Variants in SLC17A3 observed in about 807,000 individuals in gnomAD.
SLC17A3 encodes sodium-dependent phosphate transport protein 4.
A neutral mutation model predicts 60.3 loss-of-function variants in SLC17A3; 61 were observed. The observed-to-expected ratio is 1.01, with a 90% confidence interval of 0.82 to 1.25. The LOEUF is 1.25. SLC17A3 is among the 50% of genes most tolerant of loss of function. The pLI is 0.00. For synonymous variants in SLC17A3, 192 were observed against 208.9 expected, an observed-to-expected ratio of 0.92 and a Z score of 0.70; for missense variants, 624 against 594.9, an observed-to-expected ratio of 1.05 and a Z score of -0.51.
Position 25,850,547 on chromosome 6 carries a change from CCT to C in SLC17A3, c.903_904del (p.Gly302LeufsTer9). ...AACTAACCATTGATGGCTGAAACAG[CCT>C]AAACATATGGACCAAATGGGTAGAG... On this transcript the variant is annotated frameshift_variant, in exon 8 of 13. Transcript: ENST00000397060. LOFTEE classifies it high-confidence loss of function. 6.2e-7 allele frequency: 1 copy of C among 1,613,822 alleles called. No homozygotes were observed. The highest frequency in any genetic ancestry group is 1.1e-5 in the South Asian group (1 of 91,062).
intron 11 of SLC17A3, among the ~76,000 whole-genome samples, 165 bp downstream of exon 11, chr6:25,849,209 T>C (rs1482573836): frequency 1.3e-5 from 2 of 152,216 alleles, no homozygotes; most frequent in African/African-American, 4.8e-5. Context: ...AACCAGGCTT[T>C]AGGTCACCAA....
intron 5 of SLC17A3, 73 bp downstream of exon 5, chr6:25,861,551 A>AT: frequency 1.7e-6 from 2 of 1,192,046 alleles, no homozygotes; most frequent in South Asian, 2.4e-5. Context: ...GAACTATGCA[A>AT]TGAAAAGTTG....
chr6:25,862,348 A>G lies in SLC17A3; in HGVS notation c.188T>C (p.Met63Thr), dbSNP rs1156807472. ...GCTTGTGCTGTTGACCATGGCTACC[A>G]TGGTGATGTTCATGATGACATTTTG... is the stretch of plus-strand genomic sequence containing the variant. ...IAQNVIMNIT[M>T]VAMVNSTSPQ... The change falls in exon 3 of 13, where the codon ATG becomes ACG. Residue 63 changes from methionine to threonine, a missense_variant. Physicochemically the swap from Met to Thr is moderately conservative, Grantham distance 81. Transcript: ENST00000397060. 1.2e-6 allele frequency: 2 copies of G among 1,613,836 alleles called. No homozygotes were observed. Among genetic ancestry groups the G allele is most frequent in the East Asian group, 2.2e-5 (1 of 44,876 alleles).
At chr6:25,854,742 C>T (rs374091882) in intron 6 of SLC17A3, among the ~76,000 whole-genome samples, 3 of 150,622 alleles carry the variant, frequency 2.0e-5, no homozygotes, top group African/African-American at 7.5e-5. Context: ...AAACTTGAGC[C>T]TTACTCAGGA....
At chr6:25,857,282 A>AT (rs1378647334) in intron 5 of SLC17A3, among the ~76,000 whole-genome samples, 1 of 141,940 alleles carries the variant, frequency 7.0e-6, no homozygotes, top group East Asian at 1.9e-4. Context: ...TTTAACTATT[A>AT]TTTTTTATTT....
chr6:25,863,467 A>T (rs768661244), intron 2 of SLC17A3, among the ~76,000 whole-genome samples: 1 of 152,150 alleles, frequency 6.6e-6, no homozygotes, highest in African/African-American at 2.4e-5. Flanking sequence ...CTTCAGGCAG[A>T]GCAGCTCTTT....
rs371437945 is a variant in SLC17A3, at chr6:25,855,230, C to A, written c.626G>T (p.Gly209Val). The change falls in exon 6 of 13, where the codon GGA becomes GTA. Residue 209 changes from glycine (G) to valine (V), a missense_variant and splice_region_variant. By Grantham distance (109) the Gly-to-Val change is moderately radical (BLOSUM62 -3). Coordinates refer to ENST00000397060, the MANE Select transcript of SLC17A3 (RefSeq NM_001098486.2). ...RSRLCSIALSGMLLGCFTAIL... is the reference protein window; with the variant it reads ...RSRLCSIALSVMLLGCFTAIL... The stretch of plus-strand genomic sequence containing the variant: ...GGCAGTAAAGCATCCCAGTAACATT[C>A]CTGCAAAGAGAGAGAAAGTAAGCTG... 6.2e-7 allele frequency: 1 copy of A among 1,610,984 alleles called. No individual in the cohort carries two copies. Among genetic ancestry groups the A allele is most frequent in the East Asian group, 2.2e-5 (1 of 44,842 alleles).
rs1231252177 is a variant in SLC17A3, at chr6:25,868,549, T to C, written c.-33-129A>G. The C allele has an allele frequency of 1.1e-5, 7 of 648,992 alleles. No individual in the cohort carries two copies. The Admixed American group carries it at 1.7e-4, about 16-fold the overall frequency. 40.2% of individuals were successfully genotyped at this position (648,992 alleles called of 1,614,324 possible). On this transcript the variant is annotated intron_variant, in intron 1 of 12. Transcript: ENST00000397060. ...ATCTGGTTGGAGACAGGGAGGCTCATTATCCCCTCTTGGCTCAACACAACA... is the reference window on the plus strand; with the variant it reads ...ATCTGGTTGGAGACAGGGAGGCTCACTATCCCCTCTTGGCTCAACACAACA...
chr6:25,856,573 C>T (rs994028836), intron 5 of SLC17A3, among the ~76,000 whole-genome samples: 4 of 152,252 alleles, frequency 2.6e-5, no homozygotes, highest in African/African-American at 4.8e-5. Flanking sequence ...TCTGGCCGGG[C>T]GCAGTGGCTC....
intron 2 of SLC17A3, among the ~76,000 whole-genome samples, chr6:25,865,096 T>TA (rs1019665592): frequency 5.3e-5 from 8 of 152,120 alleles, no homozygotes; most frequent in Admixed American, 5.2e-4. Context: ...AAGCAGCTAT[T>TA]ACTACTATTT....
chr6:25,867,099 C>T lies in SLC17A3; in HGVS notation c.91+1198G>A, dbSNP rs1535818. 8.9e-4 allele frequency among the ~76,000 whole-genome samples: 136 copies of T among 152,100 alleles called. 1 individual carries two copies. The highest frequency in any genetic ancestry group is 1.7e-3 in the Non-Finnish European group (113 of 67,930). ...TCCCCAGCTCAGTTGATAGAAATCTCATTCTTCCAAACACTTTGCAATCCT... is the reference window on the plus strand; with the variant it reads ...TCCCCAGCTCAGTTGATAGAAATCTTATTCTTCCAAACACTTTGCAATCCT... On this transcript the variant is annotated intron_variant, in intron 2 of 12. Coordinates refer to ENST00000397060, the MANE Select transcript of SLC17A3 (RefSeq NM_001098486.2).
chr6:25,855,822 G>A (rs1765348730), intron 5 of SLC17A3, among the ~76,000 whole-genome samples: 2 of 152,138 alleles, frequency 1.3e-5, no homozygotes, highest in Non-Finnish European at 2.9e-5. Flanking sequence ...ATTTCTAGAT[G>A]ATTGTGTTTT....
At chr6:25,872,604 A>G (rs1040375511) in intron 1 of SLC17A3, among the ~76,000 whole-genome samples, 4 of 149,020 alleles carry the variant, frequency 2.7e-5, no homozygotes, top group Admixed American at 6.7e-5. Flanking sequence ...ATTTATATAT[A>G]TAATGAATGC....
chr6:25,868,448 C>A, intron 1 of SLC17A3, 28 bp from the exon 2 acceptor site: 1 of 1,381,868 alleles, frequency 7.2e-7, no homozygotes, highest in Non-Finnish European at 1.0e-6. Context: ...AATTCACATG[C>A]ATCAGTTGAG....
rs181724461 is a variant in SLC17A3, at chr6:25,862,606, C to G, written c.92-162G>C. On this transcript the variant is annotated intron_variant, in intron 2 of 12. Transcript: ENST00000397060. ...GAAAGGAAGATACAAAAGGAGATCA[C>G]TGAGTTGAGCTAAAGGACGTTTTAT... is the stretch of plus-strand genomic sequence containing the variant. Among the ~76,000 whole-genome samples the G allele has an allele frequency of 7.0e-4, 106 of 151,744 alleles. 1 individual carries two copies. Among genetic ancestry groups the G allele is most frequent in the Admixed American group, 5.1e-3 (78 of 15,198 alleles).
intron 5 of SLC17A3, among the ~76,000 whole-genome samples, chr6:25,856,691 C>G (rs1173006121): frequency 1.3e-5 from 2 of 151,574 alleles, no homozygotes; most frequent in South Asian, 2.1e-4. Context: ...ATTAAAAATA[C>G]AAAAAATTAG....
At chr6:25,873,277 C>A (rs1765673708) in intron 1 of SLC17A3, among the ~76,000 whole-genome samples, 1 of 152,078 alleles carries the variant, frequency 6.6e-6, no homozygotes, top group Non-Finnish European at 1.5e-5. Flanking sequence ...TTTGTTTTAA[C>A]AGCTCTCTTT....
At position 25,862,237 on chromosome 6, in the gene SLC17A3, G is replaced by T; in HGVS notation, c.299C>A (p.Ala100Glu). 1.2e-6 allele frequency: 2 copies of T among 1,610,850 alleles called. No individual in the cohort carries two copies. Among genetic ancestry groups the T allele is most frequent in the Non-Finnish European group, 1.7e-6 (2 of 1,177,192 alleles). Residue 100 changes from alanine (A) to glutamate (E), a missense_variant, in exon 3 of 13, where the codon GCA (alanine) becomes GAA (glutamate). Transcript: ENST00000397060. ...TTTATATCTTATGTTGCTTACCTTT[G>T]CAGGAAGACTCTTTGGGGCTTTACT... ...GLSKAPKSLP[A>E]KAPVYDWSPQ...
intron 2 of SLC17A3, among the ~76,000 whole-genome samples, chr6:25,864,456 C>A (rs777838295): frequency 3.3e-5 from 5 of 151,950 alleles, no homozygotes; most frequent in Non-Finnish European, 5.9e-5. Flanking sequence ...GGATTAGGGT[C>A]ATGGCAGTAG....
Sources: allele counts gnomAD v4.1 joint callset (sites outside exome capture counted in the v4.1 genomes callset), GRCh38; gene constraint gnomAD v4.1.1; transcripts MANE v1.5; gene names NCBI Gene and HGNC (gene_info 2026-07-23, HGNC 2026-07-21).